The following TMEM164 variants were observed in gnomAD, a reference collection of about 807,000 sequenced individuals.
The protein encoded by TMEM164 is RP13-360B22.2.
TMEM164 carries 4 observed loss-of-function variants against 18.8 expected under a neutral mutation model. That is an observed-to-expected ratio of 0.21 (90% CI 0.10 to 0.49). The LOEUF (loss-of-function observed/expected upper bound fraction) is 0.49, where lower values mean the gene tolerates loss of function less well. TMEM164 is among the 20% of genes least tolerant of loss of function. TMEM164 has a pLI of 0.98. For synonymous variants in TMEM164, 86 were observed against 101.7 expected, an observed-to-expected ratio of 0.85 and a Z score of 0.93; for missense variants, 108 against 239.9, an observed-to-expected ratio of 0.45 and a Z score of 3.63.
intron 5 of TMEM164, among the ~76,000 whole-genome samples, chrX:110,158,870 T>A (rs1259651887): frequency 2.7e-5 from 3 of 112,266 alleles, no homozygotes; most frequent in African/African-American, 6.5e-5. Context: ...CTGTGTGACT[T>A]TGGCCAAGTT....
chrX:110,129,184 G>A (rs1403010021), intron 4 of TMEM164, among the ~76,000 whole-genome samples: 2 of 112,275 alleles, frequency 1.8e-5, no homozygotes, highest in Non-Finnish European at 3.8e-5. Flanking sequence ...CTGGCTTGCC[G>A]TTCCAAGTTT....
intron 2 of TMEM164, among the ~76,000 whole-genome samples, chrX:110,044,486 C>A (rs922120587): frequency 9.4e-6 from 1 of 106,915 alleles, no homozygotes. Context: ...GTCACCCAGG[C>A]TGGAGTGCAG....
intron 2 of TMEM164, among the ~76,000 whole-genome samples, chrX:110,048,417 C>G (rs1184325715): frequency 8.9e-6 from 1 of 112,093 alleles, no homozygotes; most frequent in Non-Finnish European, 1.9e-5. Context: ...GTCTGTGTTA[C>G]TCACTGTAGT....
intron 3 of TMEM164, among the ~76,000 whole-genome samples, chrX:110,099,090 T>G (rs989130190): frequency 9.2e-6 from 1 of 109,083 alleles, no homozygotes; most frequent in Non-Finnish European, 1.9e-5. Flanking sequence ...GAGCCACCGC[T>G]CCTGGCTGAG....
intron 5 of TMEM164, among the ~76,000 whole-genome samples, chrX:110,152,039 T>G (rs2066946878): frequency 1.9e-5 from 2 of 105,986 alleles, no homozygotes; most frequent in African/African-American, 7.3e-5. Context: ...CTTCTTCTTT[T>G]TTTTTTCTTT....
In TMEM164 at chrX:110,172,318, G is replaced by A. The variant is rs187921644; in HGVS notation, c.687+798G>A. On this transcript the variant is annotated intron_variant, in intron 6 of 6. Coordinates refer to ENST00000372068, the MANE Select transcript of TMEM164 (RefSeq NM_032227.4). ...GAAGGCAGGTGCCGCGACCGTCCCC[G>A]GGGCAGGTGTCGCATGTCTGGTTTT... Among the ~76,000 whole-genome samples, 239 of 112,102 alleles carry A rather than the reference G, an allele frequency of 2.1e-3. 3 individuals are homozygous for A. Among genetic ancestry groups the A allele is most frequent in the African/African-American group, 7.2e-3 (221 of 30,804 alleles).
At chrX:110,116,497 TG>T (rs1283156083) in intron 4 of TMEM164, among the ~76,000 whole-genome samples, 1 of 111,785 alleles carries the variant, frequency 8.9e-6, no homozygotes, top group Non-Finnish European at 1.9e-5. Context: ...CACATGGACA[TG>T]GAGGCAGAAA....
intron 5 of TMEM164, among the ~76,000 whole-genome samples, chrX:110,148,675 ATTTTTTTTTTT>A (rs373500523): frequency 4.3e-4 from 29 of 67,914 alleles, no homozygotes; most frequent in Non-Finnish European, 5.6e-4. Flanking sequence ...CACCCGGCTC[ATTTTTTTTTTT>A]TTTTTTTTTT....
chrX:110,086,427 T>C (rs2065852084), intron 3 of TMEM164, among the ~76,000 whole-genome samples: 1 of 110,898 alleles, frequency 9.0e-6, no homozygotes, highest in African/African-American at 3.3e-5. Flanking sequence ...AACAAATTAG[T>C]GTGGTTGTGT....
At chrX:110,123,438 A>C (rs2066479963) in intron 4 of TMEM164, among the ~76,000 whole-genome samples, 1 of 111,815 alleles carries the variant, frequency 8.9e-6, no homozygotes, top group East Asian at 2.8e-4. Flanking sequence ...CAAAATGAGC[A>C]ATATAGTGTT....
chrX:110,026,091 T>A (rs895970385), intron 2 of TMEM164, among the ~76,000 whole-genome samples: 2 of 112,652 alleles, frequency 1.8e-5, no homozygotes, highest in African/African-American at 6.4e-5. Flanking sequence ...TCAAAAAATA[T>A]TAGTTACAGT....
At chrX:110,055,165 A>G (rs1422658431) in intron 2 of TMEM164, among the ~76,000 whole-genome samples, 4 of 111,423 alleles carry the variant, frequency 3.6e-5, no homozygotes, top group Non-Finnish European at 7.5e-5. Context: ...AATTCCATGC[A>G]AATGCTGTTT....
intron 5 of TMEM164, among the ~76,000 whole-genome samples, chrX:110,159,790 G>A (rs2067068119): frequency 9.0e-6 from 1 of 111,510 alleles, no homozygotes; most frequent in African/African-American, 3.3e-5. Context: ...AAAAATTGCT[G>A]CAGGAATAGA....
intron 3 of TMEM164, among the ~76,000 whole-genome samples, chrX:110,090,728 C>CT (rs2065913783): frequency 9.0e-6 from 1 of 111,401 alleles, no homozygotes; most frequent in Non-Finnish European, 1.9e-5. Flanking sequence ...TTTTATTATA[C>CT]TTTAAGTTCT....
At chrX:110,073,560 G>A (rs2065627652) in intron 3 of TMEM164, among the ~76,000 whole-genome samples, 3 of 111,768 alleles carry the variant, frequency 2.7e-5, no homozygotes, top group Non-Finnish European at 3.8e-5. Flanking sequence ...CCATTGATGG[G>A]CATCTAGATT....
downstream of TMEM164, among the ~76,000 whole-genome samples, chrX:110,180,485 A>ACCGCCCCCCCCCCCCCCCCCC (rs2067319174): frequency 9.8e-6 from 1 of 101,576 alleles, no homozygotes; most frequent in African/African-American, 4.1e-5. Context: ...TACTGCCTGA[A>ACCGCCCCCCCCCCCCCCCCCC]CCCCCCCGCC....
chrX:110,007,197 A>G (rs1019459126), intron 2 of TMEM164, among the ~76,000 whole-genome samples: 2 of 112,385 alleles, frequency 1.8e-5, no homozygotes, highest in African/African-American at 6.5e-5. Context: ...TGCCAACTGT[A>G]GTAGCATAAG....
intron 4 of TMEM164, among the ~76,000 whole-genome samples, chrX:110,124,176 A>AAGGAAGGC (rs59507144): frequency 0.13 from 9,867 of 76,867 alleles, 910 homozygotes; most frequent in East Asian, 0.26. Flanking sequence ...GGAAGGAAGG[A>AAGGAAGGC]AGGCAGGAAG....
chrX:110,139,728 G>A (rs1266245567), intron 4 of TMEM164, among the ~76,000 whole-genome samples: 1 of 111,435 alleles, frequency 9.0e-6, no homozygotes, highest in Non-Finnish European at 1.9e-5. Flanking sequence ...AGTTGGGAAT[G>A]TACTGAAGGA....
Sources: gnomAD v4.1 joint callset for allele counts (sites outside exome capture counted in the v4.1 genomes callset) on GRCh38, gnomAD v4.1.1 for gene constraint, MANE v1.5 for transcripts, NCBI Gene and HGNC (gene_info 2026-07-23, HGNC 2026-07-21) for gene names.